C3orf22: variants seen among roughly 807,000 people sequenced by gnomAD.
C3orf22 encodes the protein uncharacterized protein C3orf22.
C3orf22 carries 7 observed loss-of-function variants against 10.8 expected under a neutral mutation model. The observed-to-expected ratio is 0.65, with a 90% CI of 0.37 to 1.22. The LOEUF is 1.22. Ranked by LOEUF, C3orf22 falls within the 50% of genes most tolerant of loss-of-function variation. The pLI is 0.02. For synonymous variants in C3orf22, 79 were observed against 78.9 expected (o/e 1.00, Z 0.00); for missense variants, 173 against 177.0 (o/e 0.98, Z 0.13).
intron 4 of C3orf22, chr3:126,536,140 G>A (rs1226032669): frequency 2.9e-6 from 2 of 695,906 alleles, no homozygotes; most frequent in South Asian, 1.8e-5. Flanking sequence ...GCCCCTAGGA[G>A]GTAGGCAAGA....
At chr3:126,529,258 C>A in exon 5 of C3orf22, 1 of 1,217,604 alleles carries the variant, frequency 8.2e-7, no homozygotes, top group Admixed American at 2.3e-5. Flanking sequence ...GGCCTTGCAA[C>A]ATGACGTGTG....
chr3:126,548,264 G>A (rs11920905), downstream of C3orf22, among the ~76,000 whole-genome samples: 42,553 of 152,152 alleles, frequency 0.28, 6,078 homozygotes, highest in African/African-American at 0.31. Flanking sequence ...CCAAAGTGTT[G>A]GGATTACAGT....
At chr3:126,538,259 G>A (rs1046594292) in intron 4 of C3orf22, among the ~76,000 whole-genome samples, 10 of 152,240 alleles carry the variant, frequency 6.6e-5, no homozygotes, top group Non-Finnish European at 1.0e-4. Context: ...ATCGTCCTCC[G>A]GATGTTGACT....
intron 1 of C3orf22, among the ~76,000 whole-genome samples, chr3:126,557,014 C>CCACA (rs148453800): frequency 0.95 from 144,338 of 151,624 alleles, 68,803 homozygotes; most frequent in East Asian, 1. Context: ...ACACACAGAC[C>CCACA]CACACAAACT....
rs386665610 is a variant in C3orf22, at chr3:126,553,479, GA to G, written c.-40-50del. On this transcript the variant is annotated intron_variant, in intron 1 of 3. Transcript: ENST00000318225. ...GAGGGGGCAGGGGTGGTGGGGGGCA[GA>G]AGGCAGAGTGATGAGTACCCAGCAG... 2.6e-3 allele frequency: 3,168 copies of G among 1,213,016 alleles called. 57 individuals are homozygous for G. The African/African-American group carries it at 0.041, about 16-fold the overall frequency. 75.1% of individuals were successfully genotyped at this position (1,213,016 alleles called of 1,614,324 possible).
In C3orf22 at chr3:126,537,119, A is replaced by C. The variant is rs1418943782; in HGVS notation, c.287-7747T>G. Among the ~76,000 whole-genome samples the C allele has an allele frequency of 2.6e-5, 4 of 152,060 alleles. No homozygotes were observed. The East Asian group carries it at 7.7e-4, about 29-fold the overall frequency. On this transcript the variant is annotated intron_variant and NMD_transcript_variant, in intron 4 of 5. Coordinates refer to the C3orf22 transcript ENST00000505070. Reference sequence around the variant, plus strand: ...CTTAACTAATTCTGCTCTAAAGGGGAGTATGAGGTGCAACAAGAGCTCTCC... The same window carrying C: ...CTTAACTAATTCTGCTCTAAAGGGGCGTATGAGGTGCAACAAGAGCTCTCC...
At chr3:126,531,158 C>G (rs376619464) in intron 4 of C3orf22, among the ~76,000 whole-genome samples, 4 of 152,268 alleles carry the variant, frequency 2.6e-5, no homozygotes, top group African/African-American at 4.8e-5. Context: ...GACCAGCAGC[C>G]GCAGCCTCAC....
chr3:126,553,526 C>T lies in C3orf22; in HGVS notation c.-40-96G>A, dbSNP rs992205304. The T allele has an allele frequency of 1.7e-5, 13 of 763,336 alleles. No homozygotes were observed. The East Asian group carries it at 2.2e-4, about 13-fold the overall frequency. 47.3% of individuals were successfully genotyped at this position (763,336 alleles called of 1,614,324 possible). ...AGCAGGGCTGGGGGTGCCTGCGGGC[C>T]GCCAAATGACCTGCATCACTGCCCT... On this transcript the variant is annotated intron_variant, in intron 1 of 3. Coordinates refer to ENST00000318225, the MANE Select transcript of C3orf22 (RefSeq NM_152533.3).
At chr3:126,554,426 G>T (rs961062690) in intron 1 of C3orf22, among the ~76,000 whole-genome samples, 1 of 152,118 alleles carries the variant, frequency 6.6e-6, no homozygotes, top group African/African-American at 2.4e-5. Flanking sequence ...ACCACGCCTG[G>T]CTAATTTTTG....
downstream of C3orf22, among the ~76,000 whole-genome samples, chr3:126,547,660 G>A (rs563793887): frequency 6.6e-6 from 1 of 152,306 alleles, no homozygotes; most frequent in Admixed American, 6.5e-5. Flanking sequence ...GTGCAGGTGT[G>A]GACCAGAGGG....
intron 4 of C3orf22, chr3:126,541,775 G>A (rs1433864531): frequency 6.6e-6 from 10 of 1,525,270 alleles, no homozygotes; most frequent in African/African-American, 1.4e-5. Context: ...GCAGCGGCGC[G>A]ACCTGCTGAA....
intron 2 of C3orf22, 62 bp from the exon 3 acceptor site, chr3:126,552,184 A>G: frequency 1.9e-6 from 3 of 1,605,976 alleles, no homozygotes; most frequent in South Asian, 2.2e-5. Context: ...AGTAACTCTC[A>G]CTCATCTGGA....
intron 4 of C3orf22, chr3:126,536,247 A>ACATC (rs1407736099): frequency 6.2e-7 from 1 of 1,608,932 alleles, no homozygotes; most frequent in South Asian, 1.1e-5. Context: ...TATGGTGGCG[A>ACATC]CATCTCTCTC....
intron 1 of C3orf22, among the ~76,000 whole-genome samples, chr3:126,558,346 G>A (rs546527788): frequency 2.6e-5 from 4 of 152,252 alleles, no homozygotes; most frequent in East Asian, 3.9e-4. Flanking sequence ...GTCCTGAACC[G>A]GGGAAGCAGC....
At chr3:126,535,758 C>A (rs1349112632) in intron 4 of C3orf22, among the ~76,000 whole-genome samples, 1 of 152,264 alleles carries the variant, frequency 6.6e-6, no homozygotes, top group African/African-American at 2.4e-5. Context: ...ACTGCTGTCA[C>A]AGGCATCCAC....
chr3:126,537,490 A>G (rs930680465), intron 4 of C3orf22, among the ~76,000 whole-genome samples: 3 of 152,168 alleles, frequency 2.0e-5, no homozygotes, highest in Non-Finnish European at 2.9e-5. Context: ...CTGCTCCCCA[A>G]ATCCTGAGGG....
intron 4 of C3orf22, chr3:126,541,936 C>T (rs771505966): frequency 3.8e-6 from 6 of 1,590,702 alleles, no homozygotes; most frequent in South Asian, 3.4e-5. Flanking sequence ...TGGCGCTGAG[C>T]GGCCAAGCCC....
At chr3:126,528,472 G>T (rs77433575) in intron 5 of C3orf22, among the ~76,000 whole-genome samples, 6 of 152,292 alleles carry the variant, frequency 3.9e-5, no homozygotes, top group Non-Finnish European at 2.9e-5. Flanking sequence ...GTGGGCCTTG[G>T]GGGGAACCAG....
chr3:126,539,207 C>T (rs1936868784), intron 4 of C3orf22, among the ~76,000 whole-genome samples: 1 of 152,148 alleles, frequency 6.6e-6, no homozygotes, highest in Non-Finnish European at 1.5e-5. Flanking sequence ...GACTGCGAAG[C>T]CAGTCCCAGC....
Sources: gnomAD v4.1 joint callset for allele counts (sites outside exome capture counted in the v4.1 genomes callset) on GRCh38, gnomAD v4.1.1 for gene constraint, MANE v1.5 for transcripts, NCBI Gene and HGNC (gene_info 2026-07-23, HGNC 2026-07-21) for gene names.